The following DNMT3A variants were observed in gnomAD, a reference collection of about 807,000 sequenced individuals.
DNMT3A encodes the protein DNA methyltransferase 3 alpha, also known as DNA (cytosine-5)-methyltransferase 3A.
In DNMT3A, 267 loss-of-function variants were observed where a neutral mutation model predicts 117.6. The observed-to-expected ratio is 2.27, with a 90% CI of 2.05 to 2.51. The LOEUF is 2.51. DNMT3A is among the 30% of genes most tolerant of loss of function. The pLI is 0.00. For missense variants in DNMT3A, 1,029 were observed against 1,260.2 expected (o/e 0.82, Z 2.78); for synonymous variants, 432 against 474.8 (o/e 0.91, Z 1.17).
At chr2:25,302,258 G>A (rs1205227092) in intron 2 of DNMT3A, among the ~76,000 whole-genome samples, 1 of 152,190 alleles carries the variant, frequency 6.6e-6, no homozygotes, top group Non-Finnish European at 1.5e-5. Flanking sequence ...AGGAAGGGGA[G>A]GGCTGCCAAC....
intron 6 of DNMT3A, among the ~76,000 whole-genome samples, chr2:25,266,780 A>C (rs13418159): frequency 0.01 from 1,531 of 152,358 alleles, 22 homozygotes; most frequent in African/African-American, 0.034. Context: ...TTGACTAGCA[A>C]AATATTGATG....
intron 3 of DNMT3A, among the ~76,000 whole-genome samples, chr2:25,284,262 A>G (rs1486865131): frequency 1.3e-5 from 2 of 152,228 alleles, no homozygotes; most frequent in Non-Finnish European, 2.9e-5. Flanking sequence ...CCCACCTGTC[A>G]GGTGGAGATG....
rs192270485 is a variant in DNMT3A at position 25,282,933 on chromosome 2, G to C, written c.178-222C>G. ...TGAAATCACGAGTCTGTGGACTCCA[G>C]CTTCAGAAACAGGAAAAGAATCCAA... On this transcript the variant is annotated intron_variant, in intron 3 of 22. Coordinates refer to ENST00000321117, the MANE Select transcript of DNMT3A (RefSeq NM_022552.5). This position sits in a 1 kb window ranked among gnomAD's most constrained non-coding sequence, Gnocchi z 5.2. Among the ~76,000 whole-genome samples, 1 of 152,218 alleles carries C rather than the reference G, an allele frequency of 6.6e-6. No individual in the cohort carries two copies. Among genetic ancestry groups the C allele is most frequent in the East Asian group, 1.9e-4 (1 of 5,204 alleles).
chr2:25,315,801 C>T (rs900363215), intron 1 of DNMT3A, among the ~76,000 whole-genome samples: 4 of 152,234 alleles, frequency 2.6e-5, no homozygotes, highest in South Asian at 2.1e-4. Flanking sequence ...CAGAAGCACT[C>T]GGCTGCCAGC....
intron 12 of DNMT3A, among the ~76,000 whole-genome samples, chr2:25,245,745 G>T (rs1674674845): frequency 6.6e-6 from 1 of 152,246 alleles, no homozygotes; most frequent in African/African-American, 2.4e-5. Flanking sequence ...GTGAAAGGCT[G>T]AAAGGGGACC....
Position 25,300,750 on chromosome 2 carries a change from T to G in DNMT3A, c.73-507A>C, listed in dbSNP as rs868209377. 3.1e-5 allele frequency among the ~76,000 whole-genome samples: 2 copies of G among 64,418 alleles called. 1 individual carries two copies. Among genetic ancestry groups the G allele is most frequent in the African/African-American group, 1.3e-4 (2 of 15,904 alleles). 42.3% of individuals were successfully genotyped at this position (64,418 alleles called of 152,430 possible). The stretch of plus-strand genomic sequence containing the variant: ...ATATATATATATATATATATATATA[T>G]ATATATATATATATATATAAATAAT... On this transcript the variant is annotated intron_variant, in intron 2 of 22. Coordinates refer to ENST00000321117, the MANE Select transcript of DNMT3A (RefSeq NM_022552.5).
At position 25,248,157 on chromosome 2, in the gene DNMT3A, AG is replaced by A. The variant is rs1467732928; in HGVS notation, c.734del (p.Pro245LeufsTer71). 1.2e-6 allele frequency: 2 copies of A among 1,613,934 alleles called. No homozygotes were observed. Among genetic ancestry groups the A allele is most frequent in the East Asian group, 2.2e-5 (1 of 44,886 alleles). ...ESQKVEEASP[P>X]AVQQPTDPAS... Reference sequence around the variant, plus strand: ...CGGGGTCAGTGGGCTGCTGCACAGCAGGAGGGCTGGCCTCCTCCACCTTCTG... The same window carrying A: ...CGGGGTCAGTGGGCTGCTGCACAGCAGAGGGCTGGCCTCCTCCACCTTCTG... On this transcript the variant is annotated frameshift_variant, in exon 7 of 23. Coordinates refer to ENST00000321117, the MANE Select transcript of DNMT3A (RefSeq NM_022552.5). LOFTEE classifies it high-confidence loss of function.
At chr2:25,303,339 G>A (rs2033616324) in intron 2 of DNMT3A, among the ~76,000 whole-genome samples, 2 of 152,232 alleles carry the variant, frequency 1.3e-5, no homozygotes, top group African/African-American at 4.8e-5. Context: ...GCCTTTGGGG[G>A]CCCCGACAGG....
chr2:25,300,085 G>C, intron 3 of DNMT3A, 54 bp downstream of exon 3: 2 of 1,575,588 alleles, frequency 1.3e-6, no homozygotes, highest in Non-Finnish European at 1.7e-6. Flanking sequence ...CGACAGGCCA[G>C]GCACGTGTGT....
intron 1 of DNMT3A, among the ~76,000 whole-genome samples, chr2:25,315,731 G>T (rs1047671073): frequency 3.3e-5 from 5 of 152,118 alleles, no homozygotes; most frequent in African/African-American, 1.2e-4. Flanking sequence ...TTGGGTTCAC[G>T]TCCCCCAACA....
rs749545586 is a variant in DNMT3A, at chr2:25,252,202, C to A, written c.640-3950G>T. On this transcript the variant is annotated intron_variant, in intron 6 of 22. Coordinates refer to ENST00000321117, the MANE Select transcript of DNMT3A (RefSeq NM_022552.5). The surrounding 1 kb of genome is among the most constrained non-coding windows in gnomAD (Gnocchi z 5.5). ...TCCGTCCAGGAACCTACCCATAAGGCCAGGTGCAGCCCCTCTGCAGTCGCG... is the reference window on the plus strand; with the variant it reads ...TCCGTCCAGGAACCTACCCATAAGGACAGGTGCAGCCCCTCTGCAGTCGCG... 1 of 1,565,038 alleles carries A rather than the reference C, an allele frequency of 6.4e-7. No individual in the cohort carries two copies. Among genetic ancestry groups the A allele is most frequent in the Non-Finnish European group, 8.6e-7 (1 of 1,157,028 alleles).
chr2:25,332,487 A>G (rs923473800), intron 1 of DNMT3A, among the ~76,000 whole-genome samples: 1 of 151,980 alleles, frequency 6.6e-6, no homozygotes, highest in Non-Finnish European at 1.5e-5. Flanking sequence ...GATGAGTGTG[A>G]CCCCCTTCAT....
chr2:25,241,002 C>T lies in DNMT3A; in HGVS notation c.2083-272G>A, dbSNP rs734693. On this transcript the variant is annotated intron_variant, in intron 17 of 22. Coordinates refer to ENST00000321117, the MANE Select transcript of DNMT3A (RefSeq NM_022552.5). ...CCACTGGGAAGGTGACCCAAGTGGA[C>T]GGCTGAGTCTGAAGGTACCTGGCAT... 0.65 allele frequency among the ~76,000 whole-genome samples: 98,378 copies of T among 151,964 alleles called. 33,295 individuals carry two copies. The highest frequency in any genetic ancestry group is 0.74 in the Non-Finnish European group (50,607 of 67,934).
intron 14 of DNMT3A, 81 bp from the exon 15 acceptor site, chr2:25,244,419 C>A: frequency 2.6e-6 from 4 of 1,568,432 alleles, no homozygotes; most frequent in Non-Finnish European, 3.5e-6. Context: ...AATGGAAAGA[C>A]CGGGTCTGGA....
intron 3 of DNMT3A, among the ~76,000 whole-genome samples, chr2:25,291,428 C>G (rs1250965243): frequency 6.6e-6 from 1 of 152,244 alleles, no homozygotes; most frequent in Non-Finnish European, 1.5e-5. Flanking sequence ...CATGCCCACT[C>G]CAGGAGGGGC....
In DNMT3A at chr2:25,328,490, C is replaced by T. The variant is rs1056645835; in HGVS notation, c.-178+13336G>A. The T allele has an allele frequency of 3.8e-5, 14 of 372,638 alleles. No individual in the cohort carries two copies. The Admixed American group carries it at 3.8e-4, about 10-fold the overall frequency. The allele number at this position is 372,638 out of a possible 1,614,324, so 23.1% of individuals were successfully genotyped here. On this transcript the variant is annotated intron_variant, in intron 1 of 22. Coordinates refer to ENST00000321117, the MANE Select transcript of DNMT3A (RefSeq NM_022552.5). ...CGTCCCCTTCTCCTCGACCACCCAC[C>T]CAGGGGTCATTGAGTGTTCCATGCG...
Position 25,279,902 on chromosome 2 carries a change from G to A in DNMT3A, c.448+2539C>T, listed in dbSNP as rs2149374874. 3.9e-5 allele frequency among the ~76,000 whole-genome samples: 6 copies of A among 152,200 alleles called. 1 individual carries two copies. The highest frequency in any genetic ancestry group is 3.9e-4 in the Admixed American group (6 of 15,272). ...GACAAGGTTTCACTGTGTTGGCCCG[G>A]CTGGTCTCGAACTCCTGACCTCAAG... On this transcript the variant is annotated intron_variant, in intron 4 of 22. Transcript: ENST00000321117.
intron 2 of DNMT3A, among the ~76,000 whole-genome samples, chr2:25,302,648 G>A (rs1573461137): frequency 6.6e-6 from 1 of 152,178 alleles, no homozygotes; most frequent in East Asian, 1.9e-4. Context: ...GGGAGGGGAG[G>A]CCTGCTGCTT....
Position 25,252,337 on chromosome 2 carries a change from G to T in DNMT3A, c.640-4085C>A. On this transcript the variant is annotated intron_variant, in intron 6 of 22. Coordinates refer to ENST00000321117, the MANE Select transcript of DNMT3A (RefSeq NM_022552.5). The surrounding 1 kb of genome is among the most constrained non-coding windows in gnomAD (Gnocchi z 5.5). ...AGGGGGCCACTGGGAGGGGAGGGGG[G>T]CGGCGGGGGGGAGGGAGGGAACATT... The T allele has an allele frequency of 2.0e-6, 1 of 496,624 alleles. No individual in the cohort carries two copies. The allele number at this position is 496,624 out of a possible 1,614,324, so 30.8% of individuals were successfully genotyped here. A position where few individuals can be genotyped will look rare whatever the true frequency, so the allele number is the denominator to read the frequency against.
Sources: gnomAD v4.1 joint callset for allele counts (sites outside exome capture counted in the v4.1 genomes callset) on GRCh38, gnomAD v4.1.1 for gene constraint, Gnocchi (gnomAD v3.1) non-coding constraint, MANE v1.5 for transcripts, NCBI Gene and HGNC (gene_info 2026-07-23, HGNC 2026-07-21) for gene names.